The following SUFU variants were observed in gnomAD, a reference collection of about 807,000 sequenced individuals.
SUFU encodes SUFU negative regulator of hedgehog signaling.
A neutral mutation model predicts 58.9 loss-of-function variants in SUFU; 7 were observed. That is an observed-to-expected ratio of 0.12 (90% CI 0.07 to 0.22). The LOEUF is 0.22. Ranked by LOEUF, SUFU falls within the 10% of genes least tolerant of loss-of-function variation. The probability of loss-of-function intolerance (pLI) is 1.00; values close to 1 mark genes in which losing one functional copy is unlikely to be tolerated. For synonymous variants in SUFU, 232 were observed against 254.8 expected (o/e 0.91, Z 0.85); for missense variants, 451 against 641.3 (o/e 0.70, Z 3.20).
At chr10:102,565,400 G>A (rs2063076757) in intron 3 of SUFU, among the ~76,000 whole-genome samples, 2 of 152,276 alleles carry the variant, frequency 1.3e-5, no homozygotes, top group Non-Finnish European at 2.9e-5. Context: ...ATCAATTACA[G>A]TACCTAGAGT....
intron 3 of SUFU, among the ~76,000 whole-genome samples, chr10:102,568,434 T>C (rs966820426): frequency 1.6e-4 from 25 of 152,224 alleles, no homozygotes; most frequent in African/African-American, 6.0e-4. Context: ...AAAATAAATA[T>C]TATGCTGCTG....
intron 2 of SUFU, among the ~76,000 whole-genome samples, chr10:102,510,377 T>A (rs976599656): frequency 1.3e-5 from 2 of 151,782 alleles, no homozygotes; most frequent in African/African-American, 4.8e-5. Flanking sequence ...GCCCAGCTAA[T>A]TTTTGTATTT....
intron 2 of SUFU, among the ~76,000 whole-genome samples, chr10:102,518,390 T>C (rs1343259321): frequency 6.6e-6 from 1 of 152,190 alleles, no homozygotes; most frequent in Non-Finnish European, 1.5e-5. Context: ...ATTATGCTGC[T>C]AAATTCAAAG....
intron 2 of SUFU, among the ~76,000 whole-genome samples, chr10:102,527,830 G>A (rs999945479): frequency 1.3e-5 from 2 of 152,196 alleles, no homozygotes; most frequent in Non-Finnish European, 2.9e-5. Flanking sequence ...GCTTCCCAGA[G>A]TTCTGGAGGA....
intron 3 of SUFU, among the ~76,000 whole-genome samples, chr10:102,576,317 G>C (rs2063211887): frequency 6.6e-6 from 1 of 151,862 alleles, no homozygotes; most frequent in African/African-American, 2.4e-5. Context: ...CTATGAAATG[G>C]TTTGGGTTTC....
At chr10:102,545,203 C>T (rs961895450) in intron 2 of SUFU, among the ~76,000 whole-genome samples, 4 of 151,588 alleles carry the variant, frequency 2.6e-5, no homozygotes, top group Admixed American at 6.6e-5. Context: ...TGACCTCCCT[C>T]GGCTCAGATG....
Position 102,615,463 on chromosome 10 carries a change from G to C in SUFU, c.1157+61G>C, listed in dbSNP as rs953524784. The C allele has an allele frequency of 3.1e-6, 5 of 1,612,014 alleles. No homozygotes were observed. In the East Asian group the frequency reaches 8.9e-5, roughly 29 times the overall value. ...CAGCACCCAGCTCAGCCTCCAGGGG[G>C]CACTTCAGAGCCTCCCCAGCCCCCT... On this transcript the variant is annotated intron_variant, in intron 9 of 11. Transcript: ENST00000369902.
intron 10 of SUFU, among the ~76,000 whole-genome samples, chr10:102,624,760 A>G (rs965028913): frequency 6.6e-6 from 1 of 152,356 alleles, no homozygotes; most frequent in Non-Finnish European, 1.5e-5. Context: ...GAACCAGCTT[A>G]GAATTGAACT....
At chr10:102,593,235 G>T (rs1273978845) in intron 4 of SUFU, among the ~76,000 whole-genome samples, 1 of 152,198 alleles carries the variant, frequency 6.6e-6, no homozygotes, top group Non-Finnish European at 1.5e-5. Context: ...TTCCAAGCCT[G>T]ATAGGTCTCA....
chr10:102,630,646 C>T lies in SUFU; in HGVS notation c.*491C>T, dbSNP rs1260435661. 3.3e-6 allele frequency: 1 copy of T among 300,124 alleles called. No individual in the cohort carries two copies. Among genetic ancestry groups the T allele is most frequent in the Non-Finnish European group, 6.3e-6 (1 of 157,496 alleles). The allele number at this position is 300,124 out of a possible 1,614,324, so 18.6% of individuals were successfully genotyped here. On this transcript the variant is annotated 3_prime_UTR_variant, in exon 12 of 12. Transcript: ENST00000369902. ...AATTCCTCTGATCATGTTTGGTTTT[C>T]TTCTTCCTTATTTTATTTTGTAGAA...
chr10:102,604,973 C>T (rs1298067655), intron 8 of SUFU, among the ~76,000 whole-genome samples: 1 of 133,696 alleles, frequency 7.5e-6, no homozygotes, highest in Admixed American at 8.7e-5. Flanking sequence ...ACTCTGTCAC[C>T]TAGACTGGAG....
At chr10:102,557,270 A>G (rs1165143079) in intron 3 of SUFU, among the ~76,000 whole-genome samples, 1 of 151,670 alleles carries the variant, frequency 6.6e-6, no homozygotes. Flanking sequence ...CAGAAACCCA[A>G]CTGAAACTAC....
intron 2 of SUFU, among the ~76,000 whole-genome samples, chr10:102,521,611 G>C (rs1161004438): frequency 6.6e-6 from 1 of 152,136 alleles, no homozygotes; most frequent in East Asian, 1.9e-4. Context: ...CTGCCCTCCA[G>C]TACAGACTGT....
chr10:102,613,538 C>T (rs1456482994), intron 8 of SUFU, among the ~76,000 whole-genome samples: 20 of 152,250 alleles, frequency 1.3e-4, no homozygotes, highest in Non-Finnish European at 1.2e-4. Flanking sequence ...AGCACCTAGC[C>T]CCGCAACGTG....
intron 3 of SUFU, among the ~76,000 whole-genome samples, chr10:102,569,356 C>T (rs1015244511): frequency 1.3e-5 from 2 of 152,134 alleles, no homozygotes; most frequent in Non-Finnish European, 2.9e-5. Flanking sequence ...TAAAATAAGA[C>T]ACAGGACTCT....
chr10:102,605,353 A>G (rs1006066884), intron 8 of SUFU, among the ~76,000 whole-genome samples: 1 of 152,136 alleles, frequency 6.6e-6, no homozygotes, highest in Non-Finnish European at 1.5e-5. Context: ...CATCTCTACA[A>G]AACATTAGCC....
chr10:102,569,145 C>T (rs1354944276), intron 3 of SUFU, among the ~76,000 whole-genome samples: 1 of 151,546 alleles, frequency 6.6e-6, no homozygotes, highest in Admixed American at 6.6e-5. Flanking sequence ...CCAATTATCT[C>T]AGGATCAGTT....
chr10:102,540,803 C>T (rs2062790245), intron 2 of SUFU, among the ~76,000 whole-genome samples: 1 of 151,818 alleles, frequency 6.6e-6, no homozygotes, highest in South Asian at 2.1e-4. Context: ...GGGTGGATCA[C>T]TTGAGGTCAG....
At chr10:102,504,391 C>T (rs1332177610) in intron 1 of SUFU, 57 bp downstream of exon 1, 23 of 1,601,326 alleles carry the variant, frequency 1.4e-5, no homozygotes, top group South Asian at 1.3e-4. Flanking sequence ...GTTAAAGCGC[C>T]GAGGGCGAAG....
Sources: allele counts gnomAD v4.1 joint callset (sites outside exome capture counted in the v4.1 genomes callset), GRCh38; gene constraint gnomAD v4.1.1; transcripts MANE v1.5; gene names NCBI Gene and HGNC (gene_info 2026-07-23, HGNC 2026-07-21).